Variants in HIVEP3 observed in about 807,000 individuals in gnomAD.
HIVEP3 encodes HIVEP zinc finger 3, also known as transcription factor HIVEP3.
A neutral mutation model predicts 152.8 loss-of-function variants in HIVEP3; 49 were observed. The observed-to-expected ratio is 0.32, with a 90% CI of 0.26 to 0.41. The LOEUF (loss-of-function observed/expected upper bound fraction) is 0.41, where lower values mean the gene tolerates loss of function less well. Ranked by LOEUF, HIVEP3 falls within the 10% of genes least tolerant of loss-of-function variation. HIVEP3 has a pLI of 1.00. For synonymous variants in HIVEP3, 1,269 were observed against 1,289.0 expected (o/e 0.98, Z 0.33); for missense variants, 2,790 against 3,103.3 (o/e 0.90, Z 2.40).
At chr1:41,772,929 A>G (rs1188722404) in intron 1 of HIVEP3, among the ~76,000 whole-genome samples, 2 of 152,138 alleles carry the variant, frequency 1.3e-5, no homozygotes, top group Non-Finnish European at 2.9e-5. Flanking sequence ...AATAAATAAA[A>G]TAGGACCCAT....
chr1:41,748,651 T>C (rs567236595), intron 1 of HIVEP3, among the ~76,000 whole-genome samples: 11 of 152,358 alleles, frequency 7.2e-5, no homozygotes, highest in African/African-American at 2.4e-4. Context: ...ATGGCGTTGA[T>C]ACTATCACAG....
chr1:41,874,434 C>G (rs1439096879), intron 1 of HIVEP3, among the ~76,000 whole-genome samples: 1 of 152,170 alleles, frequency 6.6e-6, no homozygotes, highest in Non-Finnish European at 1.5e-5. Flanking sequence ...CTTCCTGGGC[C>G]TGGTATGTCT....
intron 1 of HIVEP3, among the ~76,000 whole-genome samples, chr1:41,791,356 T>G (rs1238693726): frequency 1.3e-5 from 2 of 152,206 alleles, no homozygotes; most frequent in Admixed American, 6.5e-5. Flanking sequence ...AACTCCCACC[T>G]CCACTCATCC....
At chr1:41,536,882 C>T (rs1643414488) in intron 5 of HIVEP3, among the ~76,000 whole-genome samples, 1 of 152,124 alleles carries the variant, frequency 6.6e-6, no homozygotes, top group Non-Finnish European at 1.5e-5. Context: ...CCCAAGGTCA[C>T]ACAGCCAGTT....
chr1:41,617,698 G>A (rs7519983), intron 3 of HIVEP3, among the ~76,000 whole-genome samples: 73,693 of 152,058 alleles, frequency 0.48, 18,083 homozygotes, highest in Non-Finnish European at 0.51. Context: ...AACCAAGTAG[G>A]TAGGATTCAG....
chr1:41,990,265 C>T (rs1265234024), intron 1 of HIVEP3, among the ~76,000 whole-genome samples: 1 of 140,150 alleles, frequency 7.1e-6, no homozygotes, highest in Non-Finnish European at 1.6e-5. Context: ...TCTCTTCTGG[C>T]TTGTAGGGTT....
intron 3 of HIVEP3, among the ~76,000 whole-genome samples, chr1:41,615,815 CTTTTTTTTTTTT>C (rs747478470): frequency 5.3e-4 from 25 of 47,022 alleles, no homozygotes; most frequent in East Asian, 1.7e-3. Flanking sequence ...TTTGACAAGT[CTTTTTTTTTTTT>C]TTTTTTTTTT....
chr1:41,510,546 G>A lies in HIVEP3; in HGVS notation c.7126C>T (p.Pro2376Ser), dbSNP rs72669005. 0.056 allele frequency: 88,109 copies of A among 1,576,608 alleles called. 3,656 individuals are homozygous for A. The highest frequency in any genetic ancestry group is 0.19 in the African/African-American group (14,226 of 74,172). ...PARTRNLSGE[P>S]RTRQDSPKPS... ...TTGGGGGAGTCCTGCCTGGTCCTGG[G>A]TTCCCCGGAGAGGTTCCTCGTCCGG... is the stretch of plus-strand genomic sequence containing the variant. The change falls in exon 9 of 9, where the codon CCC (proline) becomes TCC (serine). Residue 2376 changes from proline to serine, a missense_variant. Physicochemically the swap from Pro to Ser is moderately conservative, Grantham distance 74. This residue lies in a region of HIVEP3 where 816 missense variants were observed against 806.5 expected (regional missense o/e 1.01). Coordinates refer to ENST00000372583, the MANE Select transcript of HIVEP3 (RefSeq NM_024503.5).
At chr1:41,938,363 AC>A (rs1211233332) in intron 1 of HIVEP3, among the ~76,000 whole-genome samples, 1 of 152,188 alleles carries the variant, frequency 6.6e-6, no homozygotes, top group Non-Finnish European at 1.5e-5. Context: ...TGTCCCCAGC[AC>A]CTGGAACAGT....
chr1:41,658,017 G>A (rs767767858), intron 2 of HIVEP3, among the ~76,000 whole-genome samples: 1 of 152,180 alleles, frequency 6.6e-6, no homozygotes, highest in African/African-American at 2.4e-5. Flanking sequence ...AATCAGGGTG[G>A]AACTTGGAGC....
intron 1 of HIVEP3, among the ~76,000 whole-genome samples, chr1:41,996,198 G>C (rs942441917): frequency 5.9e-5 from 9 of 151,750 alleles, no homozygotes; most frequent in African/African-American, 2.2e-4. Context: ...TTCAAGACCA[G>C]CCTGGCCAAC....
At chr1:41,699,934 A>G (rs531307374) in intron 2 of HIVEP3, among the ~76,000 whole-genome samples, 2 of 150,330 alleles carry the variant, frequency 1.3e-5, no homozygotes, top group South Asian at 4.2e-4. Flanking sequence ...TCTTGGCCTC[A>G]CTCCCATACT....
chr1:41,961,955 A>G (rs1645171987), intron 1 of HIVEP3, among the ~76,000 whole-genome samples: 1 of 152,274 alleles, frequency 6.6e-6, no homozygotes, highest in Non-Finnish European at 1.5e-5. Context: ...CCTCAAAAAG[A>G]AGACAATGGA....
intron 1 of HIVEP3, among the ~76,000 whole-genome samples, chr1:41,803,652 C>G (rs1394094569): frequency 6.6e-6 from 1 of 152,240 alleles, no homozygotes; most frequent in East Asian, 1.9e-4. Flanking sequence ...TGCAGACATT[C>G]CCTCCACGTG....
intron 5 of HIVEP3, among the ~76,000 whole-genome samples, chr1:41,570,099 C>T (rs1265675527): frequency 6.6e-6 from 1 of 152,084 alleles, no homozygotes; most frequent in Non-Finnish European, 1.5e-5. Context: ...GTGTCATCAA[C>T]CTGTAGATGG....
intron 2 of HIVEP3, among the ~76,000 whole-genome samples, chr1:41,638,642 G>A (rs1259156525): frequency 1.3e-5 from 2 of 152,220 alleles, no homozygotes; most frequent in Admixed American, 6.5e-5. Context: ...TAGGGGTAGA[G>A]GGGCCCATCT....
intron 2 of HIVEP3, among the ~76,000 whole-genome samples, chr1:41,632,357 C>T (rs971768422): frequency 4.6e-5 from 7 of 151,976 alleles, no homozygotes; most frequent in Admixed American, 1.3e-4. Context: ...AAGGGGAGCA[C>T]GGAGTAGGGG....
Position 41,851,619 on chromosome 1 carries a change from C to T in HIVEP3, c.-801+66794G>A, listed in dbSNP as rs1320091486. On this transcript the variant is annotated intron_variant, in intron 1 of 8. Coordinates refer to ENST00000372583, the MANE Select transcript of HIVEP3 (RefSeq NM_024503.5). The stretch of plus-strand genomic sequence containing the variant: ...TCCAGATGAGAGCACCTTCTTTCAA[C>T]GTGGTTTCCAAAGTTGGAATTTGAG... Among the ~76,000 whole-genome samples the T allele has an allele frequency of 2.6e-5, 4 of 152,168 alleles. No individual in the cohort carries two copies. The East Asian group carries it at 5.8e-4, about 22-fold the overall frequency.
rs1644404675 is a variant in HIVEP3 at position 41,508,309 on chromosome 1, C to G, written c.*2142G>C. 1 of 152,254 alleles carries G rather than the reference C, an allele frequency of 6.6e-6. No homozygotes were observed. Among genetic ancestry groups the G allele is most frequent in the Non-Finnish European group, 1.5e-5 (1 of 68,074 alleles). 9.4% of individuals were successfully genotyped at this position (152,254 alleles called of 1,614,324 possible). ...GAAGTCTCCAATCCGTGGGCAGTCC[C>G]ATGGGTTAGGGCTGAAAGGCAAGGA... On this transcript the variant is annotated 3_prime_UTR_variant, in exon 9 of 9. Coordinates refer to ENST00000372583, the MANE Select transcript of HIVEP3 (RefSeq NM_024503.5).
Sources: gnomAD v4.1 joint callset for allele counts (sites outside exome capture counted in the v4.1 genomes callset) on GRCh38, gnomAD v4.1.1 for gene constraint, gnomAD v4.1.1 regional missense constraint, MANE v1.5 for transcripts, NCBI Gene and HGNC (gene_info 2026-07-23, HGNC 2026-07-21) for gene names.